KDM2B: variants seen among roughly 807,000 people sequenced by gnomAD.
KDM2B encodes the protein lysine demethylase 2B.
Under a neutral mutation model 150.0 loss-of-function variants are expected in KDM2B, and 26 were observed. That is an observed-to-expected ratio of 0.17 (90% CI 0.13 to 0.24). The LOEUF is 0.24. KDM2B is among the 10% of genes least tolerant of loss of function. The pLI is 1.00. For synonymous variants in KDM2B, 734 were observed against 729.5 expected (o/e 1.01, Z -0.10); for missense variants, 1,265 against 1,816.9 (o/e 0.70, Z 5.52).
In KDM2B at chr12:121,542,225, G is replaced by A. The variant is rs143348044; in HGVS notation, c.683+6652C>T. Among the ~76,000 whole-genome samples the A allele has an allele frequency of 5.1e-3, 776 of 152,298 alleles. 2 individuals are homozygous for A. Among genetic ancestry groups the A allele is most frequent in the South Asian group, 0.016 (76 of 4,820 alleles). ...AGAGCTATATGTGGCAAGGAACTGA[G>A]GCCTCCTGCCAACAGCCACGGGGAT... On this transcript the variant is annotated intron_variant, in intron 6 of 22. Transcript: ENST00000377071.
At chr12:121,564,437 A>G (rs1555314460) in intron 4 of KDM2B, among the ~76,000 whole-genome samples, 1 of 152,160 alleles carries the variant, frequency 6.6e-6, no homozygotes, top group Non-Finnish European at 1.5e-5. Flanking sequence ...CAGCCTGGGC[A>G]ACAGAGCGAG....
chr12:121,448,319 CAAAAAAAAA>C (rs57261158), intron 13 of KDM2B, among the ~76,000 whole-genome samples: 7 of 51,106 alleles, frequency 1.4e-4, no homozygotes, highest in African/African-American at 6.1e-5. Context: ...GACTCTGTCT[CAAAAAAAAA>C]AAAAAAAAAA....
intron 8 of KDM2B, among the ~76,000 whole-genome samples, chr12:121,530,982 C>G (rs1027598026): frequency 1.3e-5 from 2 of 152,050 alleles, no homozygotes; most frequent in East Asian, 3.9e-4. Flanking sequence ...GAGGAAGAGA[C>G]CAGCTAACGT....
the KDM2B span, among the ~76,000 whole-genome samples, chr12:121,422,880 G>C: frequency 6.6e-6 from 1 of 152,036 alleles, no homozygotes; most frequent in South Asian, 2.1e-4. Flanking sequence ...TAAGGCTAGG[G>C]AGGGAAGGAT....
chr12:121,453,082 C>T lies in KDM2B; in HGVS notation c.1959+38G>A. The T allele has an allele frequency of 6.5e-7, 1 of 1,546,508 alleles. No homozygotes were observed. The highest frequency in any genetic ancestry group is 1.4e-5 in the African/African-American group (1 of 73,706). On this transcript the variant is annotated intron_variant, in intron 13 of 22. Transcript: ENST00000377071. The surrounding 1 kb of genome is among the most constrained non-coding windows in gnomAD (Gnocchi z 6.4). Reference sequence around the variant, plus strand: ...GACACGCGGGCCGGCACGCAGGGGCCTGAATCGAGCGCAGGGCTGGGCGGG... The same window carrying T: ...GACACGCGGGCCGGCACGCAGGGGCTTGAATCGAGCGCAGGGCTGGGCGGG...
chr12:121,548,791 G>A (rs1889262989), intron 6 of KDM2B, 86 bp downstream of exon 6: 1 of 974,144 alleles, frequency 1.0e-6, no homozygotes. Context: ...CTTCACTGAT[G>A]GCCAGGAGCC....
chr12:121,570,238 G>C (rs1198133401), intron 4 of KDM2B, among the ~76,000 whole-genome samples: 1 of 151,958 alleles, frequency 6.6e-6, no homozygotes, highest in Non-Finnish European at 1.5e-5. Context: ...TTTTAGTAGG[G>C]ACAGGGTTTC....
rs782566883 is a variant in KDM2B at position 121,442,460 on chromosome 12, G to A, written c.2981C>T (p.Pro994Leu). 4.4e-6 allele frequency: 7 copies of A among 1,599,770 alleles called. No homozygotes were observed. The highest frequency in any genetic ancestry group is 5.9e-6 in the Non-Finnish European group (7 of 1,179,708). Reference protein sequence around the residue: ...PKRPPGICERPHRFSKGLNGT... With the variant: ...PKRPPGICERLHRFSKGLNGT... ...GTTGAGCCCCTTGCTGAAGCGGTGG[G>A]GACGCTCGCAGATGCCCGGGGGCCG... is the stretch of plus-strand genomic sequence containing the variant. The change falls in exon 19 of 23, where the codon CCC (proline) becomes CTC (leucine). Residue 994 changes from proline to leucine, a missense_variant. Coordinates refer to ENST00000377071, the MANE Select transcript of KDM2B (RefSeq NM_032590.5). The surrounding 1 kb of genome is among the most constrained non-coding windows in gnomAD (Gnocchi z 7.7).
At chr12:121,443,173 C>T (rs1167408646) in intron 17 of KDM2B, 143 bp from the exon 18 acceptor site, 2 of 744,866 alleles carry the variant, frequency 2.7e-6, no homozygotes, top group Non-Finnish European at 4.5e-6. Context: ...ATCTCCACGT[C>T]TGACCGACAG....
chr12:121,543,512 TA>T (rs1337504962), intron 6 of KDM2B, among the ~76,000 whole-genome samples: 48 of 151,058 alleles, frequency 3.2e-4, no homozygotes, highest in African/African-American at 1.1e-3. Context: ...TCTACAAATT[TA>T]AAAAAAAATT....
At chr12:121,525,323 G>C (rs1350139549) in intron 8 of KDM2B, among the ~76,000 whole-genome samples, 1 of 152,092 alleles carries the variant, frequency 6.6e-6, no homozygotes, top group African/African-American at 2.4e-5. Flanking sequence ...CTGGAGTGCA[G>C]TGGTGCCATC....
At chr12:121,502,282 G>A (rs1884639488) in intron 11 of KDM2B, among the ~76,000 whole-genome samples, 1 of 152,164 alleles carries the variant, frequency 6.6e-6, no homozygotes, top group African/African-American at 2.4e-5. Context: ...CATTCGGCTG[G>A]TTTACAGATG....
intron 12 of KDM2B, among the ~76,000 whole-genome samples, chr12:121,478,161 C>T (rs2139892472): frequency 6.6e-6 from 1 of 152,090 alleles, no homozygotes; most frequent in Admixed American, 6.6e-5. Context: ...AGGAATGAGC[C>T]ACTGCGTCCA....
intron 12 of KDM2B, among the ~76,000 whole-genome samples, chr12:121,456,211 G>A (rs1256644046): frequency 6.6e-6 from 1 of 152,196 alleles, no homozygotes; most frequent in Admixed American, 6.5e-5. Context: ...GAAGTGCAGC[G>A]AGGGGCCCAC....
At chr12:121,437,398 G>A (rs1874185926) in intron 22 of KDM2B, among the ~76,000 whole-genome samples, 1 of 151,792 alleles carries the variant, frequency 6.6e-6, no homozygotes, top group East Asian at 1.9e-4. Context: ...ACCAAAAATT[G>A]GAAAAGATGG....
intron 12 of KDM2B, among the ~76,000 whole-genome samples, chr12:121,477,275 G>C (rs1466629138): frequency 6.6e-6 from 1 of 151,852 alleles, no homozygotes; most frequent in Non-Finnish European, 1.5e-5. Context: ...TCTCACCTTG[G>C]CTTCTAAAAA....
At position 121,494,644 on chromosome 12, in the gene KDM2B, C is replaced by G; in HGVS notation, c.1669G>C (p.Asp557His). The G allele has an allele frequency of 6.2e-7, 1 of 1,612,592 alleles. No homozygotes were observed. The highest frequency in any genetic ancestry group is 8.5e-7 in the Non-Finnish European group (1 of 1,179,382). Residue 557 changes from aspartate to histidine, a missense_variant, in exon 12 of 23, where the codon GAT becomes CAT. By Grantham distance (81) the Asp-to-His change is moderately conservative. Transcript: ENST00000377071. ...GTGATGGCCAGACTAGGGTCATCAT[C>G]TGCGTGCTCCTTCAGGACGTTCTGT... is the stretch of plus-strand genomic sequence containing the variant. ...GVKNVLKEHA[D>H]DDPSLAITGV...
rs373433350 is a variant in KDM2B, at chr12:121,549,451, C to G, written c.576+9G>C. 6.3e-7 allele frequency: 1 copy of G among 1,582,614 alleles called. No individual in the cohort carries two copies. Among genetic ancestry groups the G allele is most frequent in the Non-Finnish European group, 8.6e-7 (1 of 1,157,986 alleles). ...GTATCTGGGGAGGGTACCTGGGCCC[C>G]GGACCTACCACAGTCGGACGCTTGA... is the stretch of plus-strand genomic sequence containing the variant. On this transcript the variant is annotated intron_variant, in intron 5 of 22. Transcript: ENST00000377071. The surrounding 1 kb of genome is among the most constrained non-coding windows in gnomAD (Gnocchi z 4.4).
intron 12 of KDM2B, among the ~76,000 whole-genome samples, chr12:121,466,965 G>C (rs1295432705): frequency 2.7e-5 from 4 of 148,234 alleles, no homozygotes; most frequent in Admixed American, 2.0e-4. Context: ...CCCCCTGCCC[G>C]GGCCGGCTGC....
Sources: gnomAD v4.1 joint callset for allele counts (sites outside exome capture counted in the v4.1 genomes callset) on GRCh38, gnomAD v4.1.1 for gene constraint, Gnocchi (gnomAD v3.1) non-coding constraint, MANE v1.5 for transcripts, NCBI Gene and HGNC (gene_info 2026-07-23, HGNC 2026-07-21) for gene names.